NCOA1: variants seen among roughly 807,000 people sequenced by gnomAD.
NCOA1 encodes the protein nuclear receptor coactivator 1.
NCOA1 carries 35 observed loss-of-function variants against 150.9 expected under a neutral mutation model. That is an observed-to-expected ratio of 0.23 (90% CI 0.18 to 0.31). NCOA1 has a LOEUF of 0.31. Among genes scored for constraint, NCOA1 ranks in the 10% least tolerant of loss-of-function variants. NCOA1 has a pLI of 1.00. For synonymous variants in NCOA1, 590 were observed against 630.0 expected, an observed-to-expected ratio of 0.94 and a Z score of 0.95; for missense variants, 1,491 against 1,749.3, an observed-to-expected ratio of 0.85 and a Z score of 2.63.
chr2:24,583,640 C>T (rs1192389495), intron 2 of NCOA1, among the ~76,000 whole-genome samples: 2 of 152,018 alleles, frequency 1.3e-5, no homozygotes, highest in East Asian at 3.8e-4. Context: ...CGGAATCAAC[C>T]TAAATATCTA....
chr2:24,536,871 G>T (rs530825373), intron 1 of NCOA1, among the ~76,000 whole-genome samples: 6 of 152,106 alleles, frequency 3.9e-5, no homozygotes, highest in Non-Finnish European at 7.4e-5. Flanking sequence ...ACTGAAGCAT[G>T]GAAAACCAAA....
Position 24,741,827 on chromosome 2 carries a change from T to A in NCOA1, c.3347T>A (p.Leu1116Gln). 6.2e-7 allele frequency: 1 copy of A among 1,614,166 alleles called. No homozygotes were observed. The highest frequency in any genetic ancestry group is 8.5e-7 in the Non-Finnish European group (1 of 1,180,002). ...ATGTTGGCACAACGTCAGCGGGAAC[T>A]GTACAGTCAACAGCACCGACAGAGG... ...AQMLAQRQRE[L>Q]YSQQHRQRQL... is the part of the protein sequence containing the mutation. The change falls in exon 19 of 23, where the codon CTG becomes CAG. Residue 1116 changes from leucine (L) to glutamine (Q), a missense_variant. By Grantham distance (113) the Leu-to-Gln change is moderately radical. This residue lies in a region of NCOA1 where 485 missense variants were observed against 522.8 expected (regional missense o/e 0.93). Transcript: ENST00000348332.
In NCOA1 at chr2:24,626,010, T is replaced by C. The variant is rs531448761; in HGVS notation, c.-174-17956T>C. On this transcript the variant is annotated intron_variant, in intron 3 of 22. Transcript: ENST00000348332. ...GGATATAGTGTTCTAAAAATGTCAC[T>C]TAGGTTGAGGTGGCTGATCAGATCT... Among the ~76,000 whole-genome samples, 300 of 152,318 alleles carry C rather than the reference T, an allele frequency of 2.0e-3. 2 individuals carry two copies. Among genetic ancestry groups the C allele is most frequent in the African/African-American group, 6.8e-3 (282 of 41,574 alleles).
intron 1 of NCOA1, among the ~76,000 whole-genome samples, chr2:24,523,628 A>G (rs1664522447): frequency 7.7e-6 from 1 of 129,858 alleles, no homozygotes; most frequent in Non-Finnish European, 1.7e-5. Flanking sequence ...AAAAAAAAAA[A>G]AAGAAACTGG....
intron 1 of NCOA1, among the ~76,000 whole-genome samples, chr2:24,548,725 C>CTT (rs1488271245): frequency 3.3e-5 from 5 of 152,196 alleles, no homozygotes; most frequent in African/African-American, 1.2e-4. Flanking sequence ...CAAAATCCAG[C>CTT]AGGGCAGTCA....
At chr2:24,576,352 G>A (rs1340308238) in intron 2 of NCOA1, among the ~76,000 whole-genome samples, 1 of 151,614 alleles carries the variant, frequency 6.6e-6, no homozygotes, top group Non-Finnish European at 1.5e-5. Flanking sequence ...GGCTGCCTTG[G>A]CCCCACTAAG....
chr2:24,516,953 C>CGTGT (rs1558758457), intron 1 of NCOA1, among the ~76,000 whole-genome samples: 77 of 19,010 alleles, frequency 4.1e-3, no homozygotes, highest in African/African-American at 5.6e-3. Context: ...CGTATATATA[C>CGTGT]AAGTATATAT....
At chr2:24,497,841 T>C (rs991411806) in intron 1 of NCOA1, among the ~76,000 whole-genome samples, 3 of 152,194 alleles carry the variant, frequency 2.0e-5, no homozygotes, top group African/African-American at 7.2e-5. Flanking sequence ...TAAAGCTTAG[T>C]GTGGTTTGGT....
Position 24,518,917 on chromosome 2 carries a change from T to C in NCOA1, c.-396+27315T>C, listed in dbSNP as rs575155402. 1.1e-4 allele frequency among the ~76,000 whole-genome samples: 17 copies of C among 152,270 alleles called. No homozygotes were observed. The South Asian group carries it at 3.1e-3, about 28-fold the overall frequency. On this transcript the variant is annotated intron_variant, in intron 1 of 22. Coordinates refer to ENST00000348332, the MANE Select transcript of NCOA1 (RefSeq NM_003743.5). ...TCCCCCAAGTGTTCTGTGTGTACTA[T>C]GCAATCCCAGTCAAAATCCTAGCAG...
chr2:24,660,508 C>T (rs891510229), intron 5 of NCOA1, among the ~76,000 whole-genome samples: 1 of 151,810 alleles, frequency 6.6e-6, no homozygotes, highest in African/African-American at 2.4e-5. Context: ...TAGAATATTA[C>T]ATTTACATAA....
At chr2:24,689,482 C>T (rs1381896925) in intron 8 of NCOA1, among the ~76,000 whole-genome samples, 1 of 151,840 alleles carries the variant, frequency 6.6e-6, no homozygotes, top group Non-Finnish European at 1.5e-5. Context: ...AATCTTGGCT[C>T]ACTGCAAGCT....
chr2:24,644,909 C>T (rs1670399764), intron 4 of NCOA1, among the ~76,000 whole-genome samples: 1 of 152,174 alleles, frequency 6.6e-6, no homozygotes, highest in Non-Finnish European at 1.5e-5. Context: ...CCCAGAAATC[C>T]TCTTCATCCA....
intron 2 of NCOA1, among the ~76,000 whole-genome samples, chr2:24,577,154 G>A (rs1667022439): frequency 6.6e-6 from 1 of 151,952 alleles, no homozygotes; most frequent in Middle Eastern, 3.2e-3. Flanking sequence ...GCTCTTCAAA[G>A]TGTTTGACCT....
At chr2:24,705,538 G>C (rs1327130803) in intron 12 of NCOA1, among the ~76,000 whole-genome samples, 4 of 152,060 alleles carry the variant, frequency 2.6e-5, no homozygotes, top group Non-Finnish European at 5.9e-5. Context: ...AGATTTGTGA[G>C]TTTGTTAACA....
intron 19 of NCOA1, among the ~76,000 whole-genome samples, chr2:24,748,733 G>GAA (rs201208040): frequency 6.7e-6 from 1 of 149,996 alleles, no homozygotes; most frequent in Admixed American, 6.6e-5. Flanking sequence ...AGTAAAAAGA[G>GAA]AAAAAAATCA....
chr2:24,672,471 C>T (rs112857559), intron 6 of NCOA1, among the ~76,000 whole-genome samples: 5 of 152,184 alleles, frequency 3.3e-5, no homozygotes, highest in African/African-American at 7.2e-5. Context: ...TATAGCCCAC[C>T]GCTGCCTCAA....
At chr2:24,730,987 G>A (rs1337860774) in intron 17 of NCOA1, among the ~76,000 whole-genome samples, 5 of 147,274 alleles carry the variant, frequency 3.4e-5, no homozygotes, top group East Asian at 2.0e-4. Context: ...GCAGCAAGCC[G>A]AGATTGTGCC....
chr2:24,604,747 G>T (rs544636001), intron 3 of NCOA1, among the ~76,000 whole-genome samples: 1 of 152,280 alleles, frequency 6.6e-6, no homozygotes, highest in African/African-American at 2.4e-5. Flanking sequence ...AGGCTGTTTT[G>T]CTATCTTATC....
chr2:24,515,133 G>T (rs954098351), intron 1 of NCOA1, among the ~76,000 whole-genome samples: 1 of 152,060 alleles, frequency 6.6e-6, no homozygotes, highest in African/African-American at 2.4e-5. Context: ...AAAATTTTTT[G>T]TTAAAAACAT....
Sources: allele counts gnomAD v4.1 joint callset (sites outside exome capture counted in the v4.1 genomes callset), GRCh38; gene constraint gnomAD v4.1.1; regional missense constraint gnomAD v4.1.1; transcripts MANE v1.5; gene names NCBI Gene and HGNC (gene_info 2026-07-23, HGNC 2026-07-21).